Variants in FASTKD1 observed in about 807,000 individuals in gnomAD.
FASTKD1 encodes FAST kinase domains 1, also known as FAST kinase domain-containing protein 1, mitochondrial.
Under a neutral mutation model 90.9 loss-of-function variants are expected in FASTKD1, and 94 were observed. The observed-to-expected ratio is 1.03, with a 90% CI of 0.88 to 1.23. The LOEUF is 1.23. Among genes scored for constraint, FASTKD1 ranks in the 50% most tolerant of loss-of-function variants. FASTKD1 has a pLI of 0.00. For missense variants in FASTKD1, 945 were observed against 993.5 expected (o/e 0.95, Z 0.66); for synonymous variants, 319 against 345.8 (o/e 0.92, Z 0.86).
rs928437849 is a variant in FASTKD1 at position 169,529,483 on chromosome 2, C to T, written c.*342G>A. ...AGAGTTTTCTTTCTTACACATTTGC[C>T]TCATCGTAGTCTTTTCTTATCTCAA... is the stretch of plus-strand genomic sequence containing the variant. On this transcript the variant is annotated 3_prime_UTR_variant, in exon 15 of 15. Coordinates refer to ENST00000453153, the MANE Select transcript of FASTKD1 (RefSeq NM_024622.6). Among the ~76,000 whole-genome samples, 3 of 152,174 alleles carry T rather than the reference C, an allele frequency of 2.0e-5. No individual in the cohort carries two copies. The highest frequency in any genetic ancestry group is 7.2e-5 in the African/African-American group (3 of 41,434).
intron 12 of FASTKD1, among the ~76,000 whole-genome samples, chr2:169,536,182 A>G (rs1684716464): frequency 6.6e-6 from 1 of 152,210 alleles, no homozygotes; most frequent in East Asian, 1.9e-4. Flanking sequence ...AATGCTTTAC[A>G]TGCAATATCT....
chr2:169,560,439 C>T lies in FASTKD1; in HGVS notation c.919G>A (p.Val307Ile). The change falls in exon 5 of 15, where the codon GTA becomes ATA. Residue 307 changes from valine to isoleucine, a missense_variant. By Grantham distance (29) the Val-to-Ile change is conservative (BLOSUM62 3). Coordinates refer to ENST00000453153, the MANE Select transcript of FASTKD1 (RefSeq NM_024622.6). Reference protein sequence around the residue: ...IPLCNHPASFVKLFVALGPIA... With the variant: ...IPLCNHPASFIKLFVALGPIA... ...GGTCCCAATGCTACAAACAATTTTA[C>T]AAAGCTAGCAGGATGATTACACAGA... 1 of 1,573,582 alleles carries T rather than the reference C, an allele frequency of 6.4e-7. No homozygotes were observed. The highest frequency in any genetic ancestry group is 8.6e-7 in the Non-Finnish European group (1 of 1,167,546).
intron 7 of FASTKD1, among the ~76,000 whole-genome samples, chr2:169,551,325 T>G (rs1281110645): frequency 6.6e-6 from 1 of 152,174 alleles, no homozygotes. Flanking sequence ...AAAATATACA[T>G]GAATTTGTTC....
rs149988922 is a variant in FASTKD1 at position 169,566,451 on chromosome 2, A to T, written c.446+2733T>A. On this transcript the variant is annotated intron_variant, in intron 3 of 14. Coordinates refer to ENST00000453153, the MANE Select transcript of FASTKD1 (RefSeq NM_024622.6). ...AATATTCTATAATAGAAAGTTTTTT[A>T]AAAAAAATTTGGATTTCTTGGGAGG... Among the ~76,000 whole-genome samples the T allele has an allele frequency of 3.7e-3, 565 of 152,210 alleles. 1 individual carries two copies. The highest frequency in any genetic ancestry group is 9.5e-3 in the African/African-American group (395 of 41,542).
intron 6 of FASTKD1, among the ~76,000 whole-genome samples, chr2:169,556,350 C>T (rs1463180716): frequency 6.8e-6 from 1 of 146,210 alleles, no homozygotes; most frequent in Non-Finnish European, 1.5e-5. Flanking sequence ...ATGAGAGGAT[C>T]AATTGAGCCT....
rs539379729 is a variant in FASTKD1 at position 169,528,827 on chromosome 2, T to G, written c.*998A>C. 6.6e-6 allele frequency among the ~76,000 whole-genome samples: 1 copy of G among 152,296 alleles called. No homozygotes were observed. Among genetic ancestry groups the G allele is most frequent in the South Asian group, 2.1e-4 (1 of 4,824 alleles). On this transcript the variant is annotated 3_prime_UTR_variant, in exon 15 of 15. Transcript: ENST00000453153. The stretch of plus-strand genomic sequence containing the variant: ...ACTACTCACCTCCCCCTTGAAATGC[T>G]TTATCCACTTGGCTTCTAGGAAGTA...
intron 9 of FASTKD1, among the ~76,000 whole-genome samples, chr2:169,544,203 C>T (rs993537984): frequency 3.3e-5 from 5 of 152,110 alleles, no homozygotes; most frequent in African/African-American, 4.8e-5. Context: ...TGAATCTACA[C>T]GGTGAGTATA....
At position 169,540,040 on chromosome 2, in the gene FASTKD1, T is replaced by C. The variant is rs751995561; in HGVS notation, c.1945+11A>G. The C allele has an allele frequency of 9.4e-6, 14 of 1,494,388 alleles. No individual in the cohort carries two copies. Among genetic ancestry groups the C allele is most frequent in the Non-Finnish European group, 1.2e-5 (13 of 1,087,200 alleles). 92.6% of individuals were successfully genotyped at this position (1,494,388 alleles called of 1,614,324 possible). On this transcript the variant is annotated intron_variant, in intron 10 of 14. Coordinates refer to ENST00000453153, the MANE Select transcript of FASTKD1 (RefSeq NM_024622.6). ...ACAGATAATTAAATAAATTAAAAGA[T>C]AGATACATACTTTCAAGTTGAGAAT...
chr2:169,539,998 C>T, intron 10 of FASTKD1, 53 bp downstream of exon 10: 2 of 1,195,168 alleles, frequency 1.7e-6, no homozygotes, highest in African/African-American at 1.6e-5. Context: ...AGACCTGAGA[C>T]TTGGATATAA....
Position 169,544,730 on chromosome 2 carries a change from A to C in FASTKD1, c.1807T>G (p.Ser603Ala), listed in dbSNP as rs1271350064. ...CAAACAATATACCTACCTAAGTAAGAATTAAGATGTTGCACGCAAGTTCCC... is the reference window on the plus strand; with the variant it reads ...CAAACAATATACCTACCTAAGTAAGCATTAAGATGTTGCACGCAAGTTCCC... ...FLGTCVQHLN[S>A]YLGILDPFIL... Residue 603 changes from serine to alanine, a missense_variant, in exon 9 of 15, where the codon TCT becomes GCT. Transcript: ENST00000453153. 2 of 1,577,872 alleles carry C rather than the reference A, an allele frequency of 1.3e-6. No homozygotes were observed. Among genetic ancestry groups the C allele is most frequent in the East Asian group, 2.2e-5 (1 of 44,672 alleles).
rs1244791366 is a variant in FASTKD1, at chr2:169,573,780, T to C, written c.-254A>G. Reference sequence around the variant, plus strand: ...CAACACGGAACGAAACAGGCTCGGATGTCTCGCCCAACCCTCATATCTCAG... The same window carrying C: ...CAACACGGAACGAAACAGGCTCGGACGTCTCGCCCAACCCTCATATCTCAG... On this transcript the variant is annotated 5_prime_UTR_variant, in exon 1 of 15. Coordinates refer to ENST00000453153, the MANE Select transcript of FASTKD1 (RefSeq NM_024622.6). 1 of 152,160 alleles carries C rather than the reference T, an allele frequency of 6.6e-6. No individual in the cohort carries two copies. Among genetic ancestry groups the C allele is most frequent in the South Asian group, 2.1e-4 (1 of 4,828 alleles). 9.4% of individuals were successfully genotyped at this position (152,160 alleles called of 1,614,324 possible).
chr2:169,529,133 AT>A lies in FASTKD1; in HGVS notation c.*691del, dbSNP rs1012485674. On this transcript the variant is annotated 3_prime_UTR_variant, in exon 15 of 15. Coordinates refer to ENST00000453153, the MANE Select transcript of FASTKD1 (RefSeq NM_024622.6). ...TTCTCTATTTGATATATCCACTTAGATGTTTAAAAGACATCACAAACTCAAC... is the reference window on the plus strand; with the variant it reads ...TTCTCTATTTGATATATCCACTTAGAGTTTAAAAGACATCACAAACTCAAC... Among the ~76,000 whole-genome samples the A allele has an allele frequency of 2.6e-5, 4 of 152,274 alleles. No homozygotes were observed. Among genetic ancestry groups the A allele is most frequent in the African/African-American group, 9.6e-5 (4 of 41,558 alleles).
At chr2:169,543,584 T>C (rs761174025) in intron 9 of FASTKD1, among the ~76,000 whole-genome samples, 8 of 152,204 alleles carry the variant, frequency 5.3e-5, no homozygotes, top group East Asian at 1.9e-4. Context: ...TGTAGTTACA[T>C]AGGAGAACGT....
intron 8 of FASTKD1, 147 bp downstream of exon 8, chr2:169,546,071 C>T: frequency 1.2e-6 from 1 of 819,674 alleles, no homozygotes; most frequent in South Asian, 2.0e-5. Context: ...GCTGGAATTA[C>T]AGGCTTGAGC....
intron 3 of FASTKD1, among the ~76,000 whole-genome samples, chr2:169,563,693 C>T (rs1683819953): frequency 6.6e-6 from 1 of 151,562 alleles, no homozygotes; most frequent in South Asian, 2.1e-4. Context: ...ATTTCTTCAA[C>T]AAGAAAATGG....
rs538852376 is a variant in FASTKD1 at position 169,557,970 on chromosome 2, T to G, written c.972-673A>C. ...CATGCCATCCTTTCCACCAACCTTT[T>G]CAAAGGTTTCAAACCCAGTTTCTCC... On this transcript the variant is annotated intron_variant, in intron 5 of 14. Transcript: ENST00000453153. Among the ~76,000 whole-genome samples, 5 of 152,294 alleles carry G rather than the reference T, an allele frequency of 3.3e-5. No individual in the cohort carries two copies. The South Asian group carries it at 1.0e-3, about 32-fold the overall frequency.
intron 2 of FASTKD1, chr2:169,571,006 A>G (rs1684208405): frequency 6.6e-6 from 1 of 152,234 alleles, no homozygotes; most frequent in African/African-American, 2.4e-5. Flanking sequence ...CTGCTTACCT[A>G]CTATATCCTC....
intron 14 of FASTKD1, among the ~76,000 whole-genome samples, 153 bp downstream of exon 14, chr2:169,530,434 A>C (rs1288517157): frequency 6.6e-6 from 1 of 152,174 alleles, no homozygotes; most frequent in Non-Finnish European, 1.5e-5. Flanking sequence ...AAGTAGCTAC[A>C]GGCATGAGCT....
Position 169,561,737 on chromosome 2 carries a change from A to ATTT in FASTKD1, c.573-953_573-952insAAA, listed in dbSNP as rs1394595966. On this transcript the variant is annotated intron_variant, in intron 4 of 14. Transcript: ENST00000453153. ...ATTAATTATTAATCTATTATAAATT[A>ATTT]ATTATTCATTATAAATTATTTATTA... Among the ~76,000 whole-genome samples the ATTT allele has an allele frequency of 2.8e-4, 41 of 146,840 alleles. No individual in the cohort carries two copies. The East Asian group carries it at 4.3e-3, about 16-fold the overall frequency.
Sources: allele counts gnomAD v4.1 joint callset (sites outside exome capture counted in the v4.1 genomes callset), GRCh38; gene constraint gnomAD v4.1.1; transcripts MANE v1.5; gene names NCBI Gene and HGNC (gene_info 2026-07-23, HGNC 2026-07-21).